BPHL: variants seen among roughly 807,000 people sequenced by gnomAD.
BPHL encodes the protein serine hydrolase BPHL.
BPHL carries 27 observed loss-of-function variants against 31.2 expected under a neutral mutation model. The observed-to-expected ratio is 0.87, with a 90% CI of 0.64 to 1.19. The LOEUF is 1.19. BPHL is among the 50% of genes most tolerant of loss of function. The pLI is 0.00. For synonymous variants in BPHL, 150 were observed against 146.8 expected, an observed-to-expected ratio of 1.02 and a Z score of -0.16; for missense variants, 356 against 375.7, an observed-to-expected ratio of 0.95 and a Z score of 0.43.
chr6:3,129,960 C>A (rs540511288), intron 4 of BPHL, among the ~76,000 whole-genome samples: 23 of 152,152 alleles, frequency 1.5e-4, no homozygotes, highest in Non-Finnish European at 3.1e-4. Flanking sequence ...GCATGTGCCA[C>A]CATGCCTGGC....
chr6:3,143,612 G>A (rs1383853010), intron 6 of BPHL, among the ~76,000 whole-genome samples: 1 of 152,204 alleles, frequency 6.6e-6, no homozygotes, highest in Non-Finnish European at 1.5e-5. Flanking sequence ...TGGGGAGCAG[G>A]CTTTGCCTTT....
At chr6:3,119,304 T>A (rs749404948) in intron 1 of BPHL, 2 of 1,546,708 alleles carry the variant, frequency 1.3e-6, no homozygotes, top group South Asian at 2.4e-5. Context: ...TGAGCCTGAG[T>A]ACCGCTAAGG....
At chr6:3,148,224 A>G (rs1762431789) in intron 6 of BPHL, among the ~76,000 whole-genome samples, 1 of 152,218 alleles carries the variant, frequency 6.6e-6, no homozygotes, top group Admixed American at 6.5e-5. Context: ...GCAGGCTGGC[A>G]GCGAGGGATC....
chr6:3,133,480 G>C (rs919515292), intron 4 of BPHL, among the ~76,000 whole-genome samples: 9 of 152,004 alleles, frequency 5.9e-5, no homozygotes, highest in African/African-American at 1.7e-4. Flanking sequence ...TAAAGTTCAG[G>C]CTCCTTCACT....
At chr6:3,131,337 C>T (rs1417295624) in intron 4 of BPHL, among the ~76,000 whole-genome samples, 1 of 152,108 alleles carries the variant, frequency 6.6e-6, no homozygotes, top group Non-Finnish European at 1.5e-5. Flanking sequence ...TCATGGCCTG[C>T]AGATGACCCG....
intron 6 of BPHL, among the ~76,000 whole-genome samples, chr6:3,146,867 C>G (rs1056936671): frequency 3.8e-5 from 5 of 133,156 alleles, no homozygotes; most frequent in Admixed American, 7.3e-5. Context: ...TGGTTTGGGT[C>G]GGAGTGCTGG....
intron 1 of BPHL, among the ~76,000 whole-genome samples, chr6:3,123,448 G>A (rs982801999): frequency 3.3e-5 from 5 of 152,114 alleles, no homozygotes; most frequent in South Asian, 2.1e-4. Flanking sequence ...CATATCCATC[G>A]TCTCAAACAT....
intron 4 of BPHL, among the ~76,000 whole-genome samples, chr6:3,130,237 G>A (rs907853917): frequency 1.3e-5 from 2 of 152,212 alleles, no homozygotes; most frequent in African/African-American, 2.4e-5. Context: ...CAGAGACCAA[G>A]CTGGGGTGTC....
intron 2 of BPHL, among the ~76,000 whole-genome samples, chr6:3,125,961 C>T (rs1371832781): frequency 1.3e-5 from 2 of 152,190 alleles, no homozygotes; most frequent in Admixed American, 1.3e-4. Context: ...TGACTTGCCC[C>T]TGGACTGGGC....
chr6:3,132,121 C>T (rs1470827623), intron 4 of BPHL, among the ~76,000 whole-genome samples: 1 of 152,158 alleles, frequency 6.6e-6, no homozygotes, highest in African/African-American at 2.4e-5. Context: ...CTCCTGGCTA[C>T]TCTTTCTTTT....
At chr6:3,119,723 A>G (rs1009287003) in intron 1 of BPHL, among the ~76,000 whole-genome samples, 1 of 152,218 alleles carries the variant, frequency 6.6e-6, no homozygotes, top group Non-Finnish European at 1.5e-5. Flanking sequence ...TTGATGGGCT[A>G]CTTTCATAAA....
Position 3,127,825 on chromosome 6 carries a change from C to CTTT in BPHL, c.378+428_378+430dup, listed in dbSNP as rs4053354. ...TACTGTATCTTATTTCACCAATTTT[C>CTTT]TTTTTTTTTTTTTGAGACAGAGTGT... On this transcript the variant is annotated intron_variant, in intron 3 of 6. Transcript: ENST00000380379. Among the ~76,000 whole-genome samples, 9 of 145,080 alleles carry CTTT rather than the reference C, an allele frequency of 6.2e-5. No homozygotes were observed. The East Asian group carries it at 1.0e-3, about 16-fold the overall frequency.
At chr6:3,132,208 G>C (rs966620207) in intron 4 of BPHL, among the ~76,000 whole-genome samples, 1 of 152,134 alleles carries the variant, frequency 6.6e-6, no homozygotes, top group African/African-American at 2.4e-5. Flanking sequence ...CCCCCACCAC[G>C]CACCTCCTCT....
At chr6:3,146,433 G>A (rs1191055130) in intron 6 of BPHL, among the ~76,000 whole-genome samples, 149 of 117,430 alleles carry the variant, frequency 1.3e-3, no homozygotes, top group African/African-American at 4.6e-3. Context: ...GGTTTGGGTC[G>A]GAGTGCTGGT....
chr6:3,131,618 C>A (rs367731636), intron 4 of BPHL, among the ~76,000 whole-genome samples: 1 of 152,218 alleles, frequency 6.6e-6, no homozygotes, highest in African/African-American at 2.4e-5. Flanking sequence ...CCTTCACTAA[C>A]CAGCAAAGTC....
In BPHL at chr6:3,123,739, C is replaced by G. The variant is rs754394825; in HGVS notation, c.190C>G (p.Leu64Val). 6.2e-7 allele frequency: 1 copy of G among 1,612,926 alleles called. No individual in the cohort carries two copies. Among genetic ancestry groups the G allele is most frequent in the South Asian group, 1.1e-5 (1 of 90,764 alleles). ...GACTGGAGAGGGAGATCACGCAGTC[C>G]TGCTACTTCCTGGGATGTTAGGTCT... ...QQTGEGDHAV[L>V]LLPGMLGSGE... The change falls in exon 2 of 7, where the codon CTG (leucine) becomes GTG (valine). Residue 64 changes from leucine to valine, a missense_variant. Transcript: ENST00000380379.
intron 1 of BPHL, among the ~76,000 whole-genome samples, chr6:3,119,786 A>G (rs1040584864): frequency 2.6e-4 from 40 of 152,212 alleles, no homozygotes; most frequent in Non-Finnish European, 8.8e-5. Context: ...TCCAACATAG[A>G]AACTTTTAGT....
chr6:3,131,024 C>T (rs1376741674), intron 4 of BPHL, among the ~76,000 whole-genome samples: 1 of 152,088 alleles, frequency 6.6e-6, no homozygotes, highest in East Asian at 1.9e-4. Context: ...AGTTCTTCCT[C>T]CCTCTCCTGT....
At position 3,123,205 on chromosome 6, in the gene BPHL, GGAAAAATC is replaced by G. The variant is rs374750852; in HGVS notation, c.108-447_108-440del. Among the ~76,000 whole-genome samples the G allele has an allele frequency of 5.0e-3, 756 of 152,304 alleles. 5 individuals carry two copies. The highest frequency in any genetic ancestry group is 0.028 in the South Asian group (137 of 4,830). ...CAAACTCATGTCACTGTTCAGAATTGGAAAAATCGAAATAACCCAAGGAGACTGAGAGG... is the reference window on the plus strand; with the variant it reads ...CAAACTCATGTCACTGTTCAGAATTGGAAATAACCCAAGGAGACTGAGAGG... On this transcript the variant is annotated intron_variant, in intron 1 of 6. Transcript: ENST00000380379.
Sources: gnomAD v4.1 joint callset for allele counts (sites outside exome capture counted in the v4.1 genomes callset) on GRCh38, gnomAD v4.1.1 for gene constraint, MANE v1.5 for transcripts, NCBI Gene and HGNC (gene_info 2026-07-23, HGNC 2026-07-21) for gene names.